SASH1: variants seen among roughly 807,000 people sequenced by gnomAD.
SASH1 encodes SAM and SH3 domain-containing protein 1.
A neutral mutation model predicts 125.2 loss-of-function variants in SASH1; 44 were observed. That is an observed-to-expected ratio of 0.35 (90% CI 0.28 to 0.45). The LOEUF is 0.45. Ranked by LOEUF, SASH1 falls within the 20% of genes least tolerant of loss-of-function variation. SASH1 has a pLI of 1.00. For missense variants in SASH1, 1,426 were observed against 1,614.5 expected, an observed-to-expected ratio of 0.88 and a Z score of 2.00; for synonymous variants, 639 against 649.1, an observed-to-expected ratio of 0.98 and a Z score of 0.24.
At chr6:148,294,700 C>A (rs530273465) in intron 1 of SASH1, among the ~76,000 whole-genome samples, 11 of 152,268 alleles carry the variant, frequency 7.2e-5, no homozygotes, top group African/African-American at 1.9e-4. Flanking sequence ...TGACCCTCAG[C>A]CTGTGTGATC....
intron 1 of SASH1, among the ~76,000 whole-genome samples, chr6:148,359,325 G>GTTT (rs374218290): frequency 0.23 from 31,571 of 138,294 alleles, 4,100 homozygotes; most frequent in African/African-American, 0.36. Flanking sequence ...TGCTTGGCCG[G>GTTT]TTTTTTTTTT....
intron 1 of SASH1, among the ~76,000 whole-genome samples, chr6:148,374,081 A>G (rs565589190): frequency 4.6e-5 from 7 of 152,260 alleles, no homozygotes; most frequent in Admixed American, 6.5e-5. Context: ...GCGTCTTGAC[A>G]GTACATTGAA....
intron 2 of SASH1, among the ~76,000 whole-genome samples, chr6:148,431,083 G>A (rs1776040860): frequency 1.3e-5 from 2 of 152,244 alleles, no homozygotes; most frequent in Admixed American, 1.3e-4. Context: ...AGGTAGCTGT[G>A]AGGCGAAGGA....
chr6:148,507,513 G>A (rs185375872), intron 8 of SASH1, among the ~76,000 whole-genome samples: 448 of 152,208 alleles, frequency 2.9e-3, no homozygotes, highest in Non-Finnish European at 5.1e-3. Flanking sequence ...TGGGATTACC[G>A]GTGTATGCCA....
rs557869180 is a variant in SASH1 at position 148,423,942 on chromosome 6, C to T, written c.286-16242C>T. On this transcript the variant is annotated intron_variant, in intron 2 of 19. Transcript: ENST00000367467. ...ATACCACAATAACTTAATTTCATTT[C>T]CAATGATTACACTCCAATCAAGTAG... Among the ~76,000 whole-genome samples the T allele has an allele frequency of 2.6e-5, 4 of 151,982 alleles. No homozygotes were observed. The South Asian group carries it at 8.3e-4, about 32-fold the overall frequency.
At chr6:148,471,611 G>A in intron 6 of SASH1, 108 bp downstream of exon 6, 1 of 694,048 alleles carries the variant, frequency 1.4e-6, no homozygotes, top group East Asian at 2.8e-5. Flanking sequence ...CTCACCGCAT[G>A]TGCCCATAAG....
chr6:148,363,634 T>A lies in SASH1; in HGVS notation c.156+20411T>A, dbSNP rs1782337554. On this transcript the variant is annotated intron_variant, in intron 1 of 19. Coordinates refer to ENST00000367467, the MANE Select transcript of SASH1 (RefSeq NM_015278.5). ...CCATGCTGGTCTTGAACTCCTGACCTCGTGATCCACCCGTCTCGGCCTCCC... is the reference window on the plus strand; with the variant it reads ...CCATGCTGGTCTTGAACTCCTGACCACGTGATCCACCCGTCTCGGCCTCCC... Among the ~76,000 whole-genome samples, 4 of 151,896 alleles carry A rather than the reference T, an allele frequency of 2.6e-5. No homozygotes were observed. In the South Asian group the frequency reaches 8.3e-4, roughly 32 times the overall value.
At chr6:148,354,102 C>T (rs752773487) in intron 1 of SASH1, among the ~76,000 whole-genome samples, 1 of 152,038 alleles carries the variant, frequency 6.6e-6, no homozygotes, top group Non-Finnish European at 1.5e-5. Flanking sequence ...GAGGTCAAGG[C>T]TTCAGTGAGT....
chr6:148,194,824 T>C, the SASH1 span, among the ~76,000 whole-genome samples: 1 of 152,182 alleles, frequency 6.6e-6, no homozygotes, highest in Non-Finnish European at 1.5e-5. Flanking sequence ...GAAAATGGCG[T>C]GAACCTAGGA....
intron 1 of SASH1, among the ~76,000 whole-genome samples, chr6:148,385,705 A>C (rs1045072447): frequency 2.0e-5 from 3 of 152,030 alleles, no homozygotes; most frequent in African/African-American, 7.2e-5. Context: ...TTCCATAAAA[A>C]CCCCAAAAGA....
At chr6:148,358,733 GTT>G (rs10673654) in intron 1 of SASH1, among the ~76,000 whole-genome samples, 1 of 120,912 alleles carries the variant, frequency 8.3e-6, no homozygotes. Context: ...CCATGTTTTT[GTT>G]TTTTTTTTTT....
At chr6:148,432,267 G>A (rs551412077) in intron 2 of SASH1, among the ~76,000 whole-genome samples, 9 of 152,262 alleles carry the variant, frequency 5.9e-5, no homozygotes, top group South Asian at 2.1e-4. Flanking sequence ...GAGCCCCCAC[G>A]CCTGAGCAAT....
chr6:148,410,099 CTTTTTTTTTTTTTT>C (rs869081496), intron 2 of SASH1, among the ~76,000 whole-genome samples: 3 of 55,710 alleles, frequency 5.4e-5, no homozygotes, highest in South Asian at 5.3e-4. Flanking sequence ...CAGAGCAGTC[CTTTTTTTTTTTTTT>C]TTTTTTTTTT....
At chr6:148,540,696 C>A in intron 17 of SASH1, 140 bp downstream of exon 17, 1 of 640,434 alleles carries the variant, frequency 1.6e-6, no homozygotes, top group Non-Finnish European at 2.8e-6. Context: ...CCATTCTAGT[C>A]CAAGTTAGCC....
At chr6:148,235,585 A>G in the SASH1 span, among the ~76,000 whole-genome samples, 1 of 152,212 alleles carries the variant, frequency 6.6e-6, no homozygotes, top group Non-Finnish European at 1.5e-5. Context: ...ATATAATAAC[A>G]TGTCCAGGAG....
intron 2 of SASH1, chr6:148,393,775 G>A: frequency 2.1e-6 from 2 of 966,810 alleles, no homozygotes; most frequent in South Asian, 9.6e-5. Context: ...ATTTGGTGGT[G>A]AGTAAAATTG....
chr6:148,332,925 T>C (rs755903701), intron 1 of SASH1, among the ~76,000 whole-genome samples: 17 of 152,252 alleles, frequency 1.1e-4, no homozygotes, highest in Non-Finnish European at 2.1e-4. Flanking sequence ...AGGTGGAGGT[T>C]GCAGTGAGCC....
intron 1 of SASH1, among the ~76,000 whole-genome samples, chr6:148,345,582 A>C (rs1028897973): frequency 2.0e-5 from 3 of 152,132 alleles, no homozygotes; most frequent in Admixed American, 1.3e-4. Flanking sequence ...TTGCAGGGAG[A>C]CACCAGGCTA....
intron 1 of SASH1, among the ~76,000 whole-genome samples, chr6:148,284,276 T>C (rs1391488140): frequency 2.0e-5 from 3 of 152,172 alleles, no homozygotes; most frequent in Middle Eastern, 3.4e-3. Context: ...CCGTCTCTAC[T>C]AAAAATACAA....
Sources: allele counts gnomAD v4.1 joint callset (sites outside exome capture counted in the v4.1 genomes callset), GRCh38; gene constraint gnomAD v4.1.1; transcripts MANE v1.5; gene names NCBI Gene and HGNC (gene_info 2026-07-23, HGNC 2026-07-21).